SMOC1: variants seen among roughly 807,000 people sequenced by gnomAD.
The protein encoded by SMOC1 is SPARC related modular calcium binding 1.
Under a neutral mutation model 56.3 loss-of-function variants are expected in SMOC1, and 22 were observed. The ratio of observed to expected loss-of-function variants is 0.39; its 90% CI spans 0.28 to 0.56. SMOC1 has a LOEUF of 0.56. Among genes scored for constraint, SMOC1 ranks in the 20% least tolerant of loss-of-function variants. The pLI is 0.61. For missense variants in SMOC1, 509 were observed against 565.4 expected (o/e 0.90, Z 1.01); for synonymous variants, 193 against 215.0 (o/e 0.90, Z 0.89).
chr14:70,010,680 G>A (rs1442125374), intron 7 of SMOC1, 74 bp from the exon 8 acceptor site: 5 of 1,528,694 alleles, frequency 3.3e-6, no homozygotes, highest in Non-Finnish European at 3.6e-6. Context: ...ACTTACTTTG[G>A]ATGCTGGGCA....
intron 1 of SMOC1, among the ~76,000 whole-genome samples, chr14:69,888,019 T>C (rs989320303): frequency 6.6e-6 from 1 of 152,110 alleles, no homozygotes; most frequent in Non-Finnish European, 1.5e-5. Flanking sequence ...CTGGGCCACA[T>C]AGAGATTTAT....
intron 1 of SMOC1, among the ~76,000 whole-genome samples, chr14:69,908,561 G>A (rs1241027599): frequency 1.3e-5 from 2 of 152,172 alleles, no homozygotes; most frequent in Non-Finnish European, 2.9e-5. Context: ...ACGAAGAATA[G>A]GAAAGAACAC....
At chr14:69,994,698 C>G (rs1471223355) in intron 7 of SMOC1, among the ~76,000 whole-genome samples, 2 of 152,104 alleles carry the variant, frequency 1.3e-5, no homozygotes, top group African/African-American at 4.8e-5. Context: ...GTCGTTGATC[C>G]TCTTAACAAA....
At chr14:69,950,181 T>C (rs1882941361) in intron 1 of SMOC1, among the ~76,000 whole-genome samples, 1 of 152,224 alleles carries the variant, frequency 6.6e-6, no homozygotes. Context: ...GGACAAGGCC[T>C]GTGCAGTGGT....
intron 3 of SMOC1, among the ~76,000 whole-genome samples, chr14:69,973,609 G>C (rs1883854777): frequency 6.6e-6 from 1 of 152,174 alleles, no homozygotes. Flanking sequence ...ACCCGAGCAG[G>C]GTCTCAGATG....
intron 4 of SMOC1, among the ~76,000 whole-genome samples, chr14:69,976,630 C>T (rs1376584403): frequency 6.6e-6 from 1 of 152,182 alleles, no homozygotes; most frequent in African/African-American, 2.4e-5. Flanking sequence ...CCCACAGTGT[C>T]CACCTCCATT....
chr14:69,957,595 T>C (rs1485778908), intron 3 of SMOC1, among the ~76,000 whole-genome samples: 3 of 152,218 alleles, frequency 2.0e-5, no homozygotes, highest in African/African-American at 7.2e-5. Context: ...AAGTTCTCTT[T>C]CTAATGCTGT....
At chr14:69,940,742 T>C (rs955243827) in intron 1 of SMOC1, among the ~76,000 whole-genome samples, 1 of 151,506 alleles carries the variant, frequency 6.6e-6, no homozygotes, top group Non-Finnish European at 1.5e-5. Flanking sequence ...GCTTAATCTC[T>C]ATTTTTTTTC....
chr14:69,976,261 A>G lies in SMOC1; in HGVS notation c.478+447A>G, dbSNP rs193007426. ...AGAAGAATGGTGGCTTCTGTGTCAT[A>G]TACTCACCACCCCTGAAGAATGTAA... On this transcript the variant is annotated intron_variant, in intron 4 of 11. Transcript: ENST00000361956. 5.3e-5 allele frequency among the ~76,000 whole-genome samples: 8 copies of G among 152,286 alleles called. No individual in the cohort carries two copies. In the East Asian group the frequency reaches 1.5e-3, roughly 29 times the overall value.
Position 69,984,282 on chromosome 14 carries a change from A to G in SMOC1, c.526+6317A>G, listed in dbSNP as rs563302421. On this transcript the variant is annotated intron_variant, in intron 5 of 11. Coordinates refer to ENST00000361956, the MANE Select transcript of SMOC1 (RefSeq NM_001034852.3). ...CAGACCTGATATGAAAATGAATTCA[A>G]AATGGATCGTAGACTTAAATGTAAA... 1.4e-4 allele frequency among the ~76,000 whole-genome samples: 21 copies of G among 152,370 alleles called. 1 individual carries two copies. The East Asian group carries it at 4.1e-3, about 29-fold the overall frequency.
At chr14:69,920,395 A>G (rs1378816279) in intron 1 of SMOC1, among the ~76,000 whole-genome samples, 3 of 152,200 alleles carry the variant, frequency 2.0e-5, no homozygotes, top group Non-Finnish European at 4.4e-5. Flanking sequence ...TCTTCCTGGC[A>G]GCAGACAGCC....
chr14:70,028,233 A>G (rs1886002779), intron 11 of SMOC1, among the ~76,000 whole-genome samples: 1 of 152,086 alleles, frequency 6.6e-6, no homozygotes, highest in African/African-American at 2.4e-5. Flanking sequence ...GATCATTGTC[A>G]CTGTCCTGTG....
chr14:70,000,594 GA>G (rs1331368781), intron 7 of SMOC1, among the ~76,000 whole-genome samples: 2 of 152,174 alleles, frequency 1.3e-5, no homozygotes, highest in Non-Finnish European at 2.9e-5. Flanking sequence ...TGCCTTGGGG[GA>G]AAAGTTAAAA....
At chr14:69,944,166 G>A (rs1280991059) in intron 1 of SMOC1, among the ~76,000 whole-genome samples, 1 of 152,180 alleles carries the variant, frequency 6.6e-6, no homozygotes, top group Non-Finnish European at 1.5e-5. Flanking sequence ...CGGTGGAGGG[G>A]CATGGACAAG....
chr14:69,978,650 G>A (rs1250874664), intron 5 of SMOC1, among the ~76,000 whole-genome samples: 1 of 152,052 alleles, frequency 6.6e-6, no homozygotes, highest in Non-Finnish European at 1.5e-5. Flanking sequence ...CTTTATCTAG[G>A]ACAATACTAA....
At chr14:69,926,989 C>A (rs943427526) in intron 1 of SMOC1, among the ~76,000 whole-genome samples, 4 of 152,190 alleles carry the variant, frequency 2.6e-5, no homozygotes, top group African/African-American at 9.7e-5. Context: ...GTACTCAACC[C>A]GTGCCAGGCC....
chr14:69,979,064 G>T (rs1049565162), intron 5 of SMOC1, among the ~76,000 whole-genome samples: 2 of 151,974 alleles, frequency 1.3e-5, no homozygotes, highest in Non-Finnish European at 2.9e-5. Flanking sequence ...CCTGCATCTA[G>T]GCCTTGGAAA....
In SMOC1 at chr14:70,028,645, C is replaced by A. The variant is rs1421406398; in HGVS notation, c.1292-1597C>A. Among the ~76,000 whole-genome samples, 8 of 152,298 alleles carry A rather than the reference C, an allele frequency of 5.3e-5. No individual in the cohort carries two copies. The East Asian group carries it at 9.6e-4, about 18-fold the overall frequency. On this transcript the variant is annotated intron_variant, in intron 11 of 11. Transcript: ENST00000361956. ...CCTGGTGGGCAGGACTGCTGTGCAC[C>A]TCCTTTTTAGATGTGCTGACCTTTC...
At position 70,031,630 on chromosome 14, in the gene SMOC1, G is replaced by A. The variant is rs1301888769; in HGVS notation, c.*1372G>A. 2 of 152,210 alleles carry A rather than the reference G, an allele frequency of 1.3e-5. No homozygotes were observed. Among genetic ancestry groups the A allele is most frequent in the African/African-American group, 2.4e-5 (1 of 41,424 alleles). The allele number at this position is 152,210 out of a possible 1,614,324, so 9.4% of individuals were successfully genotyped here. ...GATAACCCAGCTACAGGGAAATCCC[G>A]GCCCAGCTTTCCACAGGCATCACAG... On this transcript the variant is annotated 3_prime_UTR_variant, in exon 12 of 12. Coordinates refer to ENST00000361956, the MANE Select transcript of SMOC1 (RefSeq NM_001034852.3).
Sources: allele counts gnomAD v4.1 joint callset (sites outside exome capture counted in the v4.1 genomes callset), GRCh38; gene constraint gnomAD v4.1.1; transcripts MANE v1.5; gene names NCBI Gene and HGNC (gene_info 2026-07-23, HGNC 2026-07-21).